The following ADTRP variants were observed in gnomAD, a reference collection of about 807,000 sequenced individuals.
ADTRP encodes the protein androgen-dependent TFPI-regulating protein.
Under a neutral mutation model 27.0 loss-of-function variants are expected in ADTRP, and 20 were observed. The observed-to-expected ratio is 0.74, with a 90% CI of 0.52 to 1.08. ADTRP has a LOEUF of 1.08. Among genes scored for constraint, ADTRP ranks in the 50% least tolerant of loss-of-function variants. ADTRP has a pLI of 0.00. For synonymous variants in ADTRP, 101 were observed against 105.2 expected, an observed-to-expected ratio of 0.96 and a Z score of 0.25; for missense variants, 251 against 275.0, an observed-to-expected ratio of 0.91 and a Z score of 0.62.
intron 3 of ADTRP, among the ~76,000 whole-genome samples, chr6:11,760,648 T>A (rs887766900): frequency 6.6e-6 from 1 of 152,194 alleles, no homozygotes; most frequent in African/African-American, 2.4e-5. Context: ...TATGTCACCA[T>A]CCCAGAAAGC....
intron 1 of ADTRP, among the ~76,000 whole-genome samples, chr6:11,777,550 GT>G (rs1256073673): frequency 1.3e-5 from 2 of 151,982 alleles, no homozygotes. Flanking sequence ...TTTTGTTTCT[GT>G]TTGTTTTTCT....
At chr6:11,774,757 A>G (rs868414457) in intron 1 of ADTRP, among the ~76,000 whole-genome samples, 47 of 152,284 alleles carry the variant, frequency 3.1e-4, no homozygotes, top group African/African-American at 1.0e-3. Flanking sequence ...AATAAACTGA[A>G]TGAATTCTGC....
intron 3 of ADTRP, chr6:11,735,971 G>A (rs1436858616): frequency 2.5e-5 from 7 of 279,408 alleles, no homozygotes; most frequent in Non-Finnish European, 4.8e-5. Context: ...GCGGGGGTGG[G>A]GGGTGGAGAT....
intron 4 of ADTRP, among the ~76,000 whole-genome samples, chr6:11,733,101 T>G (rs1762438161): frequency 6.6e-6 from 1 of 152,224 alleles, no homozygotes; most frequent in African/African-American, 2.4e-5. Flanking sequence ...AAGTCATCTC[T>G]AAGTCACCTC....
At chr6:11,754,218 T>C (rs1030983528) in intron 3 of ADTRP, among the ~76,000 whole-genome samples, 1 of 152,238 alleles carries the variant, frequency 6.6e-6, no homozygotes, top group African/African-American at 2.4e-5. Flanking sequence ...GAGACAGAGC[T>C]CTTTCTTGTC....
At position 11,768,371 on chromosome 6, in the gene ADTRP, T is replaced by TA. The variant is rs1474410180; in HGVS notation, c.165_166insT (p.Ile56TyrfsTer10). On this transcript the variant is annotated frameshift_variant, in exon 2 of 6. Coordinates refer to ENST00000414691, the MANE Select transcript of ADTRP (RefSeq NM_032744.4). LOFTEE classifies it high-confidence loss of function. ...TCCAGGCAGGTGACCCCGTAGAAAA[T>TA]GGTCTGCAAGAGCTAAATCCATTAC... is the stretch of plus-strand genomic sequence containing the variant. 1.9e-6 allele frequency: 3 copies of TA among 1,614,148 alleles called. No individual in the cohort carries two copies. The highest frequency in any genetic ancestry group is 2.7e-5 in the African/African-American group (2 of 75,042).
intron 3 of ADTRP, chr6:11,754,927 C>G: frequency 1.4e-6 from 1 of 723,444 alleles, no homozygotes; most frequent in Admixed American, 6.3e-5. Flanking sequence ...GGATTTTTCA[C>G]GTCTGTCTTG....
chr6:11,723,324 G>A (rs1319486062), intron 5 of ADTRP, 25 bp downstream of exon 5: 3 of 1,612,162 alleles, frequency 1.9e-6, no homozygotes, highest in South Asian at 2.2e-5. Flanking sequence ...AAGCGCATCT[G>A]TAGCTAAGAA....
rs1454152967 is a variant in ADTRP, at chr6:11,735,548, T to G, written c.506+20A>C. 6.3e-7 allele frequency: 1 copy of G among 1,584,430 alleles called. No individual in the cohort carries two copies. The highest frequency in any genetic ancestry group is 1.3e-5 in the African/African-American group (1 of 74,266). On this transcript the variant is annotated intron_variant, in intron 4 of 5. Transcript: ENST00000414691. ...TCTTGAACGACAAGCCTAAGTTGAC[T>G]TTCTCCATGTAATTCTTACCGGCTG...
intron 5 of ADTRP, among the ~76,000 whole-genome samples, chr6:11,715,616 G>A (rs1381504838): frequency 6.7e-6 from 1 of 149,056 alleles, no homozygotes; most frequent in Non-Finnish European, 1.5e-5. Flanking sequence ...TGTTTTCATT[G>A]GTGTGTCTAC....
intron 1 of ADTRP, among the ~76,000 whole-genome samples, chr6:11,773,089 A>G (rs1479645340): frequency 6.6e-6 from 1 of 152,212 alleles, no homozygotes; most frequent in African/African-American, 2.4e-5. Context: ...TCATTCACTC[A>G]TTCAACCAAC....
chr6:11,715,806 CTTTTTTTTTTTT>C (rs55961408), intron 5 of ADTRP, among the ~76,000 whole-genome samples: 91 of 77,720 alleles, frequency 1.2e-3, no homozygotes, highest in African/African-American at 4.7e-3. Context: ...CCATGCCCAG[CTTTTTTTTTTTT>C]TTTTTTTTTT....
chr6:11,778,240 C>T (rs936187282), intron 1 of ADTRP, among the ~76,000 whole-genome samples: 2 of 152,212 alleles, frequency 1.3e-5, no homozygotes, highest in Admixed American at 1.3e-4. Flanking sequence ...GCCACTCTGC[C>T]TTCTCTTCAC....
At chr6:11,754,302 T>C (rs1416039864) in intron 3 of ADTRP, among the ~76,000 whole-genome samples, 1 of 152,102 alleles carries the variant, frequency 6.6e-6, no homozygotes, top group Non-Finnish European at 1.5e-5. Flanking sequence ...AGCAAATGCA[T>C]GAGAGTGACA....
At chr6:11,771,988 C>T (rs1030862150) in intron 1 of ADTRP, among the ~76,000 whole-genome samples, 2 of 152,174 alleles carry the variant, frequency 1.3e-5, no homozygotes, top group East Asian at 1.9e-4. Context: ...TAGTTTGTTA[C>T]GGCAGCCCTA....
chr6:11,760,070 A>G (rs1763348700), intron 3 of ADTRP, among the ~76,000 whole-genome samples: 1 of 152,206 alleles, frequency 6.6e-6, no homozygotes, highest in African/African-American at 2.4e-5. Flanking sequence ...CTGACCTCCA[A>G]ACGTTAAGAT....
At chr6:11,720,689 T>C (rs2113871902) in intron 5 of ADTRP, among the ~76,000 whole-genome samples, 1 of 152,244 alleles carries the variant, frequency 6.6e-6, no homozygotes, top group Admixed American at 6.5e-5. Flanking sequence ...GCCAGGATGG[T>C]CTCGATCTAC....
In ADTRP at chr6:11,714,409, A is replaced by G. The variant is rs1761745267; in HGVS notation, c.*69T>C. 6.4e-7 allele frequency: 1 copy of G among 1,556,826 alleles called. No individual in the cohort carries two copies. The highest frequency in any genetic ancestry group is 8.7e-7 in the Non-Finnish European group (1 of 1,148,690). On this transcript the variant is annotated 3_prime_UTR_variant, in exon 6 of 6. Transcript: ENST00000414691. ...CCTCCACCACCTCCCTCCACCAGAA[A>G]AAAAAAAAAAAGATGAGAAAAATCT... is the stretch of plus-strand genomic sequence containing the variant.
At chr6:11,746,991 G>A (rs1561758682) in intron 3 of ADTRP, among the ~76,000 whole-genome samples, 1 of 152,186 alleles carries the variant, frequency 6.6e-6, no homozygotes, top group Admixed American at 6.5e-5. Context: ...GAGGTTGGCT[G>A]GGAATCTTAA....
Sources: allele counts gnomAD v4.1 joint callset (sites outside exome capture counted in the v4.1 genomes callset), GRCh38; gene constraint gnomAD v4.1.1; transcripts MANE v1.5; gene names NCBI Gene and HGNC (gene_info 2026-07-23, HGNC 2026-07-21).